The following COL18A1 variants were observed in gnomAD, a reference collection of about 807,000 sequenced individuals.
COL18A1 encodes the protein collagen type XVIII alpha 1 chain.
COL18A1 carries 133 observed loss-of-function variants against 168.0 expected under a neutral mutation model. The observed-to-expected ratio is 0.79, with a 90% CI of 0.69 to 0.91. The LOEUF (loss-of-function observed/expected upper bound fraction) is 0.91. Among genes scored for constraint, COL18A1 ranks in the 40% least tolerant of loss-of-function variants. The pLI is 0.00. For synonymous variants in COL18A1, 949 were observed against 809.0 expected (o/e 1.17, Z -2.94); for missense variants, 2,126 against 1,925.4 (o/e 1.10, Z -1.95).
chr21:45,512,817 C>A lies in COL18A1; in HGVS notation c.*419C>A, dbSNP rs2037689219. 2 of 289,646 alleles carry A rather than the reference C, an allele frequency of 6.9e-6. No individual in the cohort carries two copies. Among genetic ancestry groups the A allele is most frequent in the South Asian group, 6.7e-5 (2 of 29,954 alleles). The allele number at this position is 289,646 out of a possible 1,614,324, so 17.9% of individuals were successfully genotyped here. A position where few individuals can be genotyped will look rare whatever the true frequency, so the allele number is the denominator to read the frequency against. Reference sequence around the variant, plus strand: ...TGTGCACAAAACCCAGACCTGTTAGCAGACAGGCCCCGTGAGGCAATGGGA... The same window carrying A: ...TGTGCACAAAACCCAGACCTGTTAGAAGACAGGCCCCGTGAGGCAATGGGA... On this transcript the variant is annotated 3_prime_UTR_variant, in exon 42 of 42. Transcript: ENST00000651438.
chr21:45,510,375 C>A, intron 40 of COL18A1, 114 bp downstream of exon 40: 1 of 1,225,666 alleles, frequency 8.2e-7, no homozygotes, highest in Non-Finnish European at 1.2e-6. Flanking sequence ...ATGTTACAGA[C>A]ACTGGCGCCT....
rs554548104 is a variant in COL18A1, at chr21:45,503,899, G to T, written c.2684-112G>T. 5 of 1,097,038 alleles carry T rather than the reference G, an allele frequency of 4.6e-6. No homozygotes were observed. In the Admixed American group the frequency reaches 8.8e-5, roughly 19 times the overall value. The allele number at this position is 1,097,038 out of a possible 1,614,324, so 68.0% of individuals were successfully genotyped here. A position where few individuals can be genotyped will look rare whatever the true frequency, so the allele number is the denominator to read the frequency against. On this transcript the variant is annotated intron_variant, in intron 32 of 41. Coordinates refer to ENST00000651438, the MANE Select transcript of COL18A1 (RefSeq NM_001379500.1). Reference sequence around the variant, plus strand: ...CCTAATTAAATACGCGATCTCTACCGCGAAATGGCTAGAAGGGCCTCAGGC... The same window carrying T: ...CCTAATTAAATACGCGATCTCTACCTCGAAATGGCTAGAAGGGCCTCAGGC...
intron 2 of COL18A1, among the ~76,000 whole-genome samples, chr21:45,437,732 ACACACACT>A (rs1479240303): frequency 1.4e-5 from 1 of 71,460 alleles, no homozygotes; most frequent in Non-Finnish European, 2.5e-5. Flanking sequence ...TCTCCTGCAC[ACACACACT>A]CACACACTCA....
rs2037673933 is a variant in COL18A1, at chr21:45,512,558, CAA to C, written c.*162_*163del. 3 of 693,190 alleles carry C rather than the reference CAA, an allele frequency of 4.3e-6. No individual in the cohort carries two copies. The highest frequency in any genetic ancestry group is 1.8e-5 in the African/African-American group (1 of 55,564). The allele number at this position is 693,190 out of a possible 1,614,324, so 42.9% of individuals were successfully genotyped here. A position where few individuals can be genotyped will look rare whatever the true frequency, so the allele number is the denominator to read the frequency against. On this transcript the variant is annotated 3_prime_UTR_variant, in exon 42 of 42. Transcript: ENST00000651438. ...TAATCCTCAAGAAATAAAAGGAAGC[CAA>C]AGAGTGTATTTTTTTAAAAGTTTAA...
chr21:45,487,660 G>T, intron 17 of COL18A1, 151 bp downstream of exon 17: 1 of 962,604 alleles, frequency 1.0e-6, no homozygotes, highest in Non-Finnish European at 1.7e-6. Context: ...GCTGTGCCCC[G>T]CGGGCCACCC....
rs2037438008 is a variant in COL18A1, at chr21:45,509,408, A to C, written c.3302A>C (p.Asn1101Thr). ...CCCGTGGTGCAGCTGCACGACAGCA[A>C]CCCCTACCCGCGGCGGGAGCACCCC... ...QPPVVQLHDS[N>T]PYPRREHPHP... The change falls in exon 39 of 42, where the codon AAC becomes ACC. Residue 1101 changes from asparagine (N) to threonine (T), a missense_variant. Asn to Thr is a moderately conservative substitution (Grantham distance 65). Transcript: ENST00000651438. 6.5e-7 allele frequency: 1 copy of C among 1,541,368 alleles called. No homozygotes were observed. Among genetic ancestry groups the C allele is most frequent in the African/African-American group, 1.4e-5 (1 of 72,788 alleles).
intron 2 of COL18A1, chr21:45,421,237 C>A: frequency 2.7e-6 from 1 of 364,574 alleles, no homozygotes. Context: ...TAGGTGCTTG[C>A]TTTGAGCCCC....
chr21:45,490,894 G>A (rs1287777917), intron 21 of COL18A1, 23 bp downstream of exon 21: 35 of 1,546,948 alleles, frequency 2.3e-5, no homozygotes, highest in Non-Finnish European at 2.6e-5. Context: ...GGGGCGGGTG[G>A]ATGGGGATGG....
chr21:45,473,424 G>A lies in COL18A1; in HGVS notation c.652-471G>A, dbSNP rs1368350219. On this transcript the variant is annotated intron_variant, in intron 3 of 41. Coordinates refer to ENST00000651438, the MANE Select transcript of COL18A1 (RefSeq NM_001379500.1). This position sits in a 1 kb window ranked among gnomAD's most constrained non-coding sequence, Gnocchi z 4.0. Reference sequence around the variant, plus strand: ...TCTGGGTTTTGTTTTTGATGAAAAGGTGAAGTTCAAAGAAAGCAAAGCCAT... The same window carrying A: ...TCTGGGTTTTGTTTTTGATGAAAAGATGAAGTTCAAAGAAAGCAAAGCCAT... Among the ~76,000 whole-genome samples, 1 of 152,226 alleles carries A rather than the reference G, an allele frequency of 6.6e-6. No homozygotes were observed. The highest frequency in any genetic ancestry group is 1.5e-5 in the Non-Finnish European group (1 of 68,030).
intron 2 of COL18A1, among the ~76,000 whole-genome samples, chr21:45,438,336 ACACT>A (rs1403575191): frequency 3.4e-5 from 1 of 29,252 alleles, no homozygotes; most frequent in Non-Finnish European, 7.2e-5. Flanking sequence ...GCACACACAC[ACACT>A]CACACACTCA....
At chr21:45,417,157 G>A (rs1227081040) in intron 2 of COL18A1, among the ~76,000 whole-genome samples, 1 of 152,144 alleles carries the variant, frequency 6.6e-6, no homozygotes, top group Non-Finnish European at 1.5e-5. Context: ...GGTGGTGCTG[G>A]GATCCCGGAG....
chr21:45,437,357 C>CACACACTCACACTCACACACAG (rs2034161150), intron 2 of COL18A1, among the ~76,000 whole-genome samples: 1 of 38,480 alleles, frequency 2.6e-5, no homozygotes, highest in Non-Finnish European at 4.9e-5. Flanking sequence ...CACTCTCCTG[C>CACACACTCACACTCACACACAG]GCACACACAC....
In COL18A1 at chr21:45,496,520, A is replaced by C. The variant is rs529768077; in HGVS notation, c.2529A>C (p.Gly843=). 3.3e-5 allele frequency: 50 copies of C among 1,508,490 alleles called. No homozygotes were observed. The highest frequency in any genetic ancestry group is 2.5e-4 in the South Asian group (22 of 89,012). 93.4% of individuals were successfully genotyped at this position (1,508,490 alleles called of 1,614,324 possible). ...FGMRGMPGPP[G]PPGPPGPPGT... Reference sequence around the variant, plus strand: ...CACAGGGAATGCCCGGCCCCCCAGGACCTCCAGGGCCCCCAGGCCCTCCAG... The same window carrying C: ...CACAGGGAATGCCCGGCCCCCCAGGCCCTCCAGGGCCCCCAGGCCCTCCAG... Residue 843 remains glycine, a synonymous_variant, in exon 30 of 42, where the codon GGA becomes GGC. Transcript: ENST00000651438.
At chr21:45,437,574 TCTCCTGTACACACACACACTCA>T (rs1569288176) in intron 2 of COL18A1, among the ~76,000 whole-genome samples, 135 of 29,670 alleles carry the variant, frequency 4.6e-3, no homozygotes, top group Non-Finnish European at 5.5e-3. Context: ...ACACAGGCAC[TCTCCTGTACACACACACACTCA>T]CACACTCAGA....
intron 6 of COL18A1, 31 bp downstream of exon 6, chr21:45,476,511 TGGTGTGG>T: frequency 6.4e-7 from 1 of 1,569,178 alleles, no homozygotes; most frequent in Non-Finnish European, 8.6e-7. Flanking sequence ...GGTGTGTGTG[TGGTGTGG>T]GGTGTGTGTG....
chr21:45,485,395 C>G (rs955131587), intron 15 of COL18A1, among the ~76,000 whole-genome samples: 3 of 151,680 alleles, frequency 2.0e-5, no homozygotes, highest in African/African-American at 7.3e-5. Context: ...CTTTGGGAGG[C>G]TGAGGTGGGA....
At chr21:45,437,434 GCACA>G (rs750461946) in intron 2 of COL18A1, among the ~76,000 whole-genome samples, 3 of 68,546 alleles carry the variant, frequency 4.4e-5, no homozygotes, top group Admixed American at 1.5e-4. Flanking sequence ...GCACTCTCCT[GCACA>G]CACACACTCA....
rs751185538 is a variant in COL18A1 at position 45,443,688 on chromosome 21, C to T, written c.107-24554C>T. ...GTCACATCCCGGGCTGCAGCCGGGT[C>T]CCCAGGGAGGCCTCCGTGAAAACAC... On this transcript the variant is annotated intron_variant, in intron 2 of 41. Transcript: ENST00000651438. This position sits in a 1 kb window ranked among gnomAD's most constrained non-coding sequence, Gnocchi z 5.2. Among the ~76,000 whole-genome samples the T allele has an allele frequency of 1.3e-5, 2 of 152,178 alleles. No individual in the cohort carries two copies. The highest frequency in any genetic ancestry group is 2.9e-5 in the Non-Finnish European group (2 of 68,016).
At chr21:45,422,843 A>G (rs2033669615) in intron 2 of COL18A1, among the ~76,000 whole-genome samples, 1 of 151,206 alleles carries the variant, frequency 6.6e-6, no homozygotes, top group African/African-American at 2.4e-5. Context: ...GCTGGAGTGC[A>G]ATGGCATGAT....
Sources: gnomAD v4.1 joint callset for allele counts (sites outside exome capture counted in the v4.1 genomes callset) on GRCh38, gnomAD v4.1.1 for gene constraint, Gnocchi (gnomAD v3.1) non-coding constraint, MANE v1.5 for transcripts, NCBI Gene and HGNC (gene_info 2026-07-23, HGNC 2026-07-21) for gene names.